SPECC1L: variants seen among roughly 807,000 people sequenced by gnomAD.
SPECC1L encodes the protein cytospin-A.
Under a neutral mutation model 116.8 loss-of-function variants are expected in SPECC1L, and 40 were observed. The observed-to-expected ratio is 0.34, with a 90% CI of 0.27 to 0.45. The LOEUF is 0.45. SPECC1L is among the 20% of genes least tolerant of loss of function. The probability of loss-of-function intolerance (pLI) is 1.00; values close to 1 mark genes in which losing one functional copy is unlikely to be tolerated. For missense variants in SPECC1L, 1,110 were observed against 1,373.6 expected (o/e 0.81, Z 3.03); for synonymous variants, 504 against 500.6 (o/e 1.01, Z -0.09).
chr22:24,406,300 G>A (rs2042589736), intron 14 of SPECC1L, among the ~76,000 whole-genome samples: 1 of 152,184 alleles, frequency 6.6e-6, no homozygotes, highest in Admixed American at 6.5e-5. Flanking sequence ...AGGTCTGGGG[G>A]CCGCCTGCAG....
intron 2 of SPECC1L, among the ~76,000 whole-genome samples, chr22:24,289,954 C>T (rs758364913): frequency 6.6e-6 from 1 of 152,210 alleles, no homozygotes; most frequent in Non-Finnish European, 1.5e-5. Context: ...TCATTACCCC[C>T]GGCTCTCTCC....
intron 14 of SPECC1L, among the ~76,000 whole-genome samples, chr22:24,383,142 A>G (rs1322495835): frequency 6.6e-6 from 1 of 152,242 alleles, no homozygotes; most frequent in Non-Finnish European, 1.5e-5. Flanking sequence ...TCCTACAAAT[A>G]AAGGTTGACC....
At chr22:24,340,627 TAGG>T (rs1466951589) in intron 10 of SPECC1L, among the ~76,000 whole-genome samples, 11 of 152,212 alleles carry the variant, frequency 7.2e-5, no homozygotes, top group East Asian at 1.9e-4. Context: ...TTTGTAAAGA[TAGG>T]AGGTGAAAAA....
intron 11 of SPECC1L, among the ~76,000 whole-genome samples, chr22:24,352,922 A>G (rs2041454866): frequency 6.6e-6 from 1 of 152,218 alleles, no homozygotes; most frequent in South Asian, 2.1e-4. Flanking sequence ...ACTTACTTAC[A>G]GCCTAGATTC....
At chr22:24,351,372 G>C (rs1017220804) in intron 11 of SPECC1L, among the ~76,000 whole-genome samples, 1 of 152,150 alleles carries the variant, frequency 6.6e-6, no homozygotes, top group Non-Finnish European at 1.5e-5. Flanking sequence ...GTGGAGAATG[G>C]GTGTGGAAGG....
At position 24,321,365 on chromosome 22, in the gene SPECC1L, C is replaced by G. The variant is rs201249023; in HGVS notation, c.385C>G (p.Arg129Gly). 6.2e-7 allele frequency: 1 copy of G among 1,614,280 alleles called. No homozygotes were observed. Among genetic ancestry groups the G allele is most frequent in the Admixed American group, 1.7e-5 (1 of 60,030 alleles). ...TTCTACTAGAGAAAGATTACGTGAA[C>G]GTACCCGATTAAACCAGAGCAAAAA... The part of the protein sequence containing the change: ...SSSTRERLRE[R>G]TRLNQSKKLP... The change falls in exon 5 of 17, where the codon CGT (arginine) becomes GGT (glycine). Residue 129 changes from arginine (R) to glycine (G), a missense_variant. Around this residue, in one of 4 missense-constraint regions of SPECC1L, gnomAD observed 437 missense variants for 482.6 expected, o/e 0.91. Transcript: ENST00000314328.
Position 24,322,128 on chromosome 22 carries a change from G to C in SPECC1L, c.1148G>C (p.Gly383Ala), listed in dbSNP as rs115222940. Residue 383 changes from glycine (G) to alanine (A), a missense_variant, in exon 5 of 17, where the codon GGG becomes GCG. Around this residue, in one of 4 missense-constraint regions of SPECC1L, gnomAD observed 437 missense variants for 482.6 expected, o/e 0.91. Coordinates refer to ENST00000314328, the MANE Select transcript of SPECC1L (RefSeq NM_015330.6). ...GIPSIERSRK[G>A]SSGNASEVSV... is the part of the protein sequence containing the mutation. ...CCCAGCATAGAGCGCTCCCGGAAGG[G>C]GAGCAGCGGGAATGCCAGTGAAGTG... 6 of 1,614,000 alleles carry C rather than the reference G, an allele frequency of 3.7e-6. No individual in the cohort carries two copies. The African/African-American group carries it at 8.0e-5, about 22-fold the overall frequency.
At chr22:24,315,928 G>A (rs947845781) in intron 4 of SPECC1L, among the ~76,000 whole-genome samples, 1 of 152,122 alleles carries the variant, frequency 6.6e-6, no homozygotes, top group Non-Finnish European at 1.5e-5. Flanking sequence ...TTACAAGAAC[G>A]CCAGTCATGT....
intron 3 of SPECC1L, among the ~76,000 whole-genome samples, chr22:24,309,821 T>C (rs559124234): frequency 2.0e-5 from 3 of 152,252 alleles, no homozygotes; most frequent in Non-Finnish European, 4.4e-5. Flanking sequence ...GTTAGTCTGT[T>C]TGTTCCTATC....
At chr22:24,314,365 A>T (rs999235636) in intron 4 of SPECC1L, among the ~76,000 whole-genome samples, 2 of 152,204 alleles carry the variant, frequency 1.3e-5, no homozygotes, top group Admixed American at 1.3e-4. Context: ...GGATTCTTTT[A>T]AAAATATAAT....
At position 24,412,700 on chromosome 22, in the gene SPECC1L, C is replaced by G. The variant is rs1229545791; in HGVS notation, c.3257C>G (p.Ser1086Cys). Residue 1086 changes from serine to cysteine, a missense_variant, in exon 16 of 17, where the codon TCC becomes TGC. Ser to Cys is a moderately radical substitution (Grantham distance 112). Coordinates refer to ENST00000314328, the MANE Select transcript of SPECC1L (RefSeq NM_015330.6). ...FQAAESVGIKSTLDINEMVRT... is the reference protein window; with the variant it reads ...FQAAESVGIKCTLDINEMVRT... Reference sequence around the variant, plus strand: ...GCAGCTGAAAGTGTCGGCATCAAATCCACACTGGTGAGCCCTTGTCCCCCT... The same window carrying G: ...GCAGCTGAAAGTGTCGGCATCAAATGCACACTGGTGAGCCCTTGTCCCCCT... 6.2e-7 allele frequency: 1 copy of G among 1,613,982 alleles called. No individual in the cohort carries two copies. Among genetic ancestry groups the G allele is most frequent in the African/African-American group, 1.3e-5 (1 of 74,936 alleles).
At chr22:24,327,775 G>A (rs2040860105) in intron 6 of SPECC1L, among the ~76,000 whole-genome samples, 1 of 152,120 alleles carries the variant, frequency 6.6e-6, no homozygotes, top group Non-Finnish European at 1.5e-5. Flanking sequence ...GAGTCTGTGA[G>A]GTCATCACAT....
intron 14 of SPECC1L, among the ~76,000 whole-genome samples, chr22:24,374,776 TA>T (rs1010730703): frequency 5.7e-5 from 8 of 141,528 alleles, no homozygotes; most frequent in Non-Finnish European, 1.2e-4. Flanking sequence ...AAGTATAATT[TA>T]AAAAAAAAGG....
rs545428106 is a variant in SPECC1L, at chr22:24,359,855, C to T, written c.2744-3406C>T. Among the ~76,000 whole-genome samples the T allele has an allele frequency of 3.8e-4, 58 of 152,306 alleles. 3 individuals carry two copies. In the South Asian group the frequency reaches 0.012, roughly 30 times the overall value. ...GCTGTCATTTCCTGAGGAGGCCTTT[C>T]CTGTTCTCCCCTCAAGACCAGGTCA... is the stretch of plus-strand genomic sequence containing the variant. On this transcript the variant is annotated intron_variant, in intron 11 of 16. Coordinates refer to ENST00000314328, the MANE Select transcript of SPECC1L (RefSeq NM_015330.6).
Position 24,415,806 on chromosome 22 carries a change from T to C in SPECC1L, c.*1183T>C, listed in dbSNP as rs2042790992. On this transcript the variant is annotated 3_prime_UTR_variant, in exon 17 of 17. Coordinates refer to ENST00000314328, the MANE Select transcript of SPECC1L (RefSeq NM_015330.6). ...GCCCCCTGTGCCCACCCTCCCCAGG[T>C]GCTGGGTCCATGCTGTTTGAACCAA... 1 of 152,140 alleles carries C rather than the reference T, an allele frequency of 6.6e-6. No individual in the cohort carries two copies. The highest frequency in any genetic ancestry group is 2.4e-5 in the African/African-American group (1 of 41,434). The allele number at this position is 152,140 out of a possible 1,614,324, so 9.4% of individuals were successfully genotyped here.
In SPECC1L at chr22:24,282,887, C is replaced by T. The variant is rs140018720; in HGVS notation, c.-38+6084C>T. Among the ~76,000 whole-genome samples the T allele has an allele frequency of 5.7e-3, 865 of 151,644 alleles. 5 individuals are homozygous for T. The highest frequency in any genetic ancestry group is 0.02 in the African/African-American group (833 of 41,314). On this transcript the variant is annotated intron_variant, in intron 2 of 16. Transcript: ENST00000314328. ...CTGCCTCCTGGGTGCAAGCAATTCT[C>T]CTGCCGTAGCCTCCCAAATAGCTGT...
chr22:24,279,827 C>T (rs2048908212), intron 2 of SPECC1L, among the ~76,000 whole-genome samples: 1 of 152,196 alleles, frequency 6.6e-6, no homozygotes, highest in Non-Finnish European at 1.5e-5. Context: ...ATCTGCCCGC[C>T]TCAGCCTCCC....
At chr22:24,403,273 T>A (rs1390744126) in intron 14 of SPECC1L, among the ~76,000 whole-genome samples, 2 of 152,194 alleles carry the variant, frequency 1.3e-5, no homozygotes, top group Non-Finnish European at 2.9e-5. Context: ...AATCCAAACA[T>A]GGAATTATCT....
intron 11 of SPECC1L, among the ~76,000 whole-genome samples, chr22:24,349,958 G>A (rs139665888): frequency 1.6e-4 from 25 of 152,266 alleles, no homozygotes; most frequent in African/African-American, 6.0e-4. Flanking sequence ...TAGAAGAGGA[G>A]CCAGAGTTCT....
Sources: allele counts gnomAD v4.1 joint callset (sites outside exome capture counted in the v4.1 genomes callset), GRCh38; gene constraint gnomAD v4.1.1; regional missense constraint gnomAD v4.1.1; transcripts MANE v1.5; gene names NCBI Gene and HGNC (gene_info 2026-07-23, HGNC 2026-07-21).